Variants in B3GALT1 observed in about 807,000 individuals in gnomAD.
B3GALT1 encodes beta-1,3-galactosyltransferase 1, also known as UDP-Gal:betaGlcNAc beta 1,3-galactosyltransferase, polypeptide 1.
B3GALT1 carries 10 observed loss-of-function variants against 23.2 expected under a neutral mutation model. That is an observed-to-expected ratio of 0.43 (90% CI 0.27 to 0.73). The LOEUF (loss-of-function observed/expected upper bound fraction) is 0.73, where lower values mean the gene tolerates loss of function less well. Among genes scored for constraint, B3GALT1 ranks in the 30% least tolerant of loss-of-function variants. The pLI, the probability that B3GALT1 is intolerant of heterozygous loss-of-function variation, is 0.21. For missense variants in B3GALT1, 299 were observed against 405.4 expected, an observed-to-expected ratio of 0.74 and a Z score of 2.25; for synonymous variants, 156 against 141.5, an observed-to-expected ratio of 1.10 and a Z score of -0.73.
intron 1 of B3GALT1, among the ~76,000 whole-genome samples, chr2:167,467,087 T>G (rs918142880): frequency 1.3e-5 from 2 of 151,662 alleles, no homozygotes; most frequent in Non-Finnish European, 2.9e-5. Flanking sequence ...GGCCTCCGGA[T>G]GGATGCAAAT....
At chr2:167,338,954 A>C (rs1273679977) in intron 1 of B3GALT1, among the ~76,000 whole-genome samples, 2 of 152,194 alleles carry the variant, frequency 1.3e-5, no homozygotes, top group Admixed American at 6.5e-5. Flanking sequence ...GCGAAATTAC[A>C]GAGGCTGATT....
chr2:167,568,468 G>A (rs79605263), intron 2 of B3GALT1, among the ~76,000 whole-genome samples: 2,182 of 152,084 alleles, frequency 0.014, 30 homozygotes, highest in Middle Eastern at 0.024. Context: ...TGGTTAGTAT[G>A]CCTTCCCTGA....
chr2:167,566,563 CAAAAT>C (rs143251994), intron 2 of B3GALT1, among the ~76,000 whole-genome samples: 53,890 of 146,460 alleles, frequency 0.37, 10,637 homozygotes, highest in East Asian at 0.85. Context: ...AAAAAAAAGA[CAAAAT>C]AAAAAAGAAT....
Position 167,820,815 on chromosome 2 carries a change from C to G in B3GALT1, c.-230+2022C>G, listed in dbSNP as rs557289928. Among the ~76,000 whole-genome samples the G allele has an allele frequency of 4.9e-4, 74 of 152,334 alleles. 1 individual carries two copies. The highest frequency in any genetic ancestry group is 3.4e-3 in the Middle Eastern group (1 of 294). On this transcript the variant is annotated intron_variant, in intron 4 of 4. Transcript: ENST00000392690. ...CCATTATGGCTGGATTACAGCAAAG[C>G]AAGAAAAAGTAGCAAATTAGAGTTC...
chr2:167,676,706 C>T (rs1232328224), intron 3 of B3GALT1, among the ~76,000 whole-genome samples: 3 of 152,054 alleles, frequency 2.0e-5, no homozygotes, highest in African/African-American at 4.8e-5. Flanking sequence ...GGATTACAGG[C>T]GCCCACCACC....
intron 3 of B3GALT1, among the ~76,000 whole-genome samples, chr2:167,691,886 A>G (rs1416764242): frequency 6.6e-6 from 1 of 152,172 alleles, no homozygotes; most frequent in East Asian, 1.9e-4. Flanking sequence ...TAAGTAACCT[A>G]CGAGGCATAT....
At chr2:167,474,346 G>A (rs1559108118) in intron 1 of B3GALT1, among the ~76,000 whole-genome samples, 1 of 152,102 alleles carries the variant, frequency 6.6e-6, no homozygotes, top group Admixed American at 6.6e-5. Flanking sequence ...CAATCTTTTG[G>A]TATTGTCATC....
chr2:167,854,294 A>C (rs1208536154), intron 4 of B3GALT1, among the ~76,000 whole-genome samples: 1 of 152,174 alleles, frequency 6.6e-6, no homozygotes, highest in African/African-American at 2.4e-5. Flanking sequence ...CAGGCTAAGG[A>C]GAAAGGGACT....
intron 1 of B3GALT1, among the ~76,000 whole-genome samples, chr2:167,388,856 C>T (rs1336051817): frequency 1.3e-5 from 2 of 152,072 alleles, no homozygotes; most frequent in Non-Finnish European, 2.9e-5. Flanking sequence ...CCACAAGAAC[C>T]AAGAAAAGCC....
intron 3 of B3GALT1, among the ~76,000 whole-genome samples, chr2:167,813,093 T>TTC (rs1233069912): frequency 6.8e-6 from 1 of 146,942 alleles, no homozygotes; most frequent in Non-Finnish European, 1.5e-5. Flanking sequence ...AGACACAAGA[T>TTC]TCTCTGTATC....
At chr2:167,824,839 T>A (rs759656224) in intron 4 of B3GALT1, among the ~76,000 whole-genome samples, 1 of 152,140 alleles carries the variant, frequency 6.6e-6, no homozygotes, top group African/African-American at 2.4e-5. Flanking sequence ...GGATCATGAA[T>A]TTACCTTTGC....
chr2:167,353,346 A>G (rs1251525836), intron 1 of B3GALT1, among the ~76,000 whole-genome samples: 1 of 152,170 alleles, frequency 6.6e-6, no homozygotes, highest in Non-Finnish European at 1.5e-5. Context: ...TAATTTTTTC[A>G]AGAGTGTCCA....
intron 1 of B3GALT1, among the ~76,000 whole-genome samples, chr2:167,410,685 C>T (rs2105295251): frequency 6.6e-6 from 1 of 151,986 alleles, no homozygotes; most frequent in Non-Finnish European, 1.5e-5. Context: ...ACCACCATGG[C>T]ACATATATAC....
chr2:167,469,386 C>T (rs1354013150), intron 1 of B3GALT1, among the ~76,000 whole-genome samples: 1 of 152,054 alleles, frequency 6.6e-6, no homozygotes, highest in Non-Finnish European at 1.5e-5. Context: ...GTGCCTGACA[C>T]ATAAGTGGTA....
intron 2 of B3GALT1, among the ~76,000 whole-genome samples, chr2:167,549,421 T>C (rs1683706093): frequency 6.6e-6 from 1 of 152,212 alleles, no homozygotes; most frequent in African/African-American, 2.4e-5. Context: ...AATAACAGTA[T>C]GCTCTTCACT....
intron 1 of B3GALT1, among the ~76,000 whole-genome samples, chr2:167,473,130 T>G (rs1009227167): frequency 1.3e-5 from 2 of 152,140 alleles, no homozygotes; most frequent in Non-Finnish European, 2.9e-5. Context: ...GTTCAAATCT[T>G]GTGAACTCAT....
At chr2:167,545,639 C>T (rs1490440749) in intron 2 of B3GALT1, among the ~76,000 whole-genome samples, 1 of 152,118 alleles carries the variant, frequency 6.6e-6, no homozygotes, top group East Asian at 1.9e-4. Flanking sequence ...GGACTGCCCT[C>T]ACTTCAGACA....
At chr2:167,819,886 G>GTTGA (rs1217055944) in intron 4 of B3GALT1, among the ~76,000 whole-genome samples, 15 of 152,188 alleles carry the variant, frequency 9.9e-5, no homozygotes, top group Admixed American at 9.8e-4. Flanking sequence ...TAAGGTTTCA[G>GTTGA]TTGATAGTTT....
intron 2 of B3GALT1, among the ~76,000 whole-genome samples, chr2:167,532,590 G>A (rs1683344695): frequency 6.9e-6 from 1 of 144,144 alleles, no homozygotes; most frequent in African/African-American, 2.6e-5. Flanking sequence ...TCATTCATTA[G>A]CTTCTCTTAG....
Sources: gnomAD v4.1 joint callset for allele counts (sites outside exome capture counted in the v4.1 genomes callset) on GRCh38, gnomAD v4.1.1 for gene constraint, MANE v1.5 for transcripts, NCBI Gene and HGNC (gene_info 2026-07-23, HGNC 2026-07-21) for gene names.